Variants in CPZ observed in about 807,000 individuals in gnomAD.
The protein encoded by CPZ is carboxypeptidase Z, also known as VEZT/CPZ fusion.
A neutral mutation model predicts 61.8 loss-of-function variants in CPZ; 103 were observed. The ratio of observed to expected loss-of-function variants is 1.67; its 90% CI spans 1.42 to 1.96. The LOEUF (loss-of-function observed/expected upper bound fraction) is 1.96, where lower values mean the gene tolerates loss of function less well. CPZ is among the 30% of genes most tolerant of loss of function. CPZ has a pLI of 0.00. For missense variants in CPZ, 1,461 were observed against 914.9 expected (o/e 1.60, Z -7.70); for synonymous variants, 551 against 373.7 (o/e 1.47, Z -5.47).
At chr4:8,606,435 C>T (rs1047188733) in intron 5 of CPZ, among the ~76,000 whole-genome samples, 5 of 151,700 alleles carry the variant, frequency 3.3e-5, no homozygotes, top group African/African-American at 7.3e-5. Context: ...CGATGGTGCC[C>T]GTGTGTGTCA....
At chr4:8,612,327 T>C (rs1171799731) in intron 8 of CPZ, among the ~76,000 whole-genome samples, 165 bp downstream of exon 8, 1 of 149,660 alleles carries the variant, frequency 6.7e-6, no homozygotes. Context: ...GTGAGTTTTG[T>C]TTCTGTCTTG....
rs763180250 is a variant in CPZ at position 8,599,498 on chromosome 4, G to C, written c.121+13G>C. 6 of 1,613,644 alleles carry C rather than the reference G, an allele frequency of 3.7e-6. No individual in the cohort carries two copies. Among genetic ancestry groups the C allele is most frequent in the South Asian group, 1.1e-5 (1 of 90,932 alleles). ...GCTGCAGACAGCGGTACAGTACCGG[G>C]ACCTCCCTGGCTTCTGTTCTGTAGG... On this transcript the variant is annotated intron_variant, in intron 2 of 10. Coordinates refer to ENST00000360986, the MANE Select transcript of CPZ (RefSeq NM_001014447.3).
rs764081558 is a variant in CPZ, at chr4:8,604,050, G to T, written c.571G>T (p.Ala191Ser). The T allele has an allele frequency of 6.2e-7, 1 of 1,612,016 alleles. No homozygotes were observed. The highest frequency in any genetic ancestry group is 1.1e-5 in the South Asian group (1 of 91,064). Residue 191 changes from alanine to serine, a missense_variant, in exon 4 of 11, where the codon GCC becomes TCC. Transcript: ENST00000360986. Reference protein sequence around the residue: ...TFIRFSHHSYAQMVRVLRRTA... With the variant: ...TFIRFSHHSYSQMVRVLRRTA... ...CATCCGCTTCAGCCACCACTCCTAC[G>T]CCCAGATGGTGCGTGTGCTGAGGCG...
Position 8,606,894 on chromosome 4 carries a change from G to A in CPZ, c.1064G>A (p.Gly355Asp). ...CCCATCCCCCAGCACTACTGGTGGG[G>A]TAAGGTAGGAGCCGCCGCTGCCCAT... ...HIPIPQHYWW[G>D]KVAPETKAIM... The change falls in exon 6 of 11, where the codon GGT (glycine) becomes GAT (aspartate). Residue 355 changes from glycine (G) to aspartate (D), a missense_variant. By Grantham distance (94) the Gly-to-Asp change is moderately conservative (BLOSUM62 -1). Transcript: ENST00000360986. 4 of 1,608,652 alleles carry A rather than the reference G, an allele frequency of 2.5e-6. No individual in the cohort carries two copies. The highest frequency in any genetic ancestry group is 3.4e-6 in the Non-Finnish European group (4 of 1,177,866).
chr4:8,611,595 G>A (rs564175999), intron 7 of CPZ, among the ~76,000 whole-genome samples: 1 of 152,330 alleles, frequency 6.6e-6, no homozygotes, highest in African/African-American at 2.4e-5. Flanking sequence ...ATTCATAGAA[G>A]TAGTTGGCTT....
intron 9 of CPZ, among the ~76,000 whole-genome samples, chr4:8,617,689 C>G (rs1280843075): frequency 6.6e-6 from 1 of 152,160 alleles, no homozygotes; most frequent in African/African-American, 2.4e-5. Flanking sequence ...GGCAGCCTCG[C>G]TGGACGGACT....
chr4:8,610,425 C>G (rs1577122042), intron 7 of CPZ, among the ~76,000 whole-genome samples: 1 of 152,122 alleles, frequency 6.6e-6, no homozygotes, highest in Non-Finnish European at 1.5e-5. Flanking sequence ...AGGGAGGCCC[C>G]AGGGCAAGGG....
chr4:8,610,803 G>T (rs1715588835), intron 7 of CPZ, among the ~76,000 whole-genome samples: 1 of 152,158 alleles, frequency 6.6e-6, no homozygotes, highest in Non-Finnish European at 1.5e-5. Context: ...GCCTGAGTGG[G>T]GTTGTGTTTG....
intron 2 of CPZ, chr4:8,599,694 C>G: frequency 7.4e-7 from 1 of 1,353,734 alleles, no homozygotes; most frequent in Non-Finnish European, 9.8e-7. Flanking sequence ...GCACCAGCTT[C>G]CCACCGGGCT....
At chr4:8,598,850 G>T (rs138311636) in intron 1 of CPZ, among the ~76,000 whole-genome samples, 21 of 152,348 alleles carry the variant, frequency 1.4e-4, no homozygotes, top group African/African-American at 5.1e-4. Flanking sequence ...CGATTGTGAG[G>T]ATGGTTTTGT....
At chr4:8,605,920 G>A in intron 4 of CPZ, 69 bp from the exon 5 acceptor site, 5 of 1,489,254 alleles carry the variant, frequency 3.4e-6, no homozygotes, top group Admixed American at 3.5e-5. Context: ...TTGCTGAGTG[G>A]GGGGGCCTCA....
chr4:8,619,574 C>T lies in CPZ; in HGVS notation c.1916C>T (p.Thr639Ile), dbSNP rs925921792. 2.0e-6 allele frequency: 3 copies of T among 1,531,036 alleles called. No homozygotes were observed. The allele number at this position is 1,531,036 out of a possible 1,614,324, so 94.8% of individuals were successfully genotyped here. A position where few individuals can be genotyped will look rare whatever the true frequency, so the allele number is the denominator to read the frequency against. Residue 639 changes from threonine to isoleucine, a missense_variant, in exon 11 of 11, where the codon ACA (threonine) becomes ATA (isoleucine). Transcript: ENST00000360986. Reference sequence around the variant, plus strand: ...AAGCCCTGGTGGTGGTCCTACTTCACATCGCTGAGCACCCACAGGCCACGC... The same window carrying T: ...AAGCCCTGGTGGTGGTCCTACTTCATATCGCTGAGCACCCACAGGCCACGC... The part of the protein sequence containing the change: ...GSKPWWWSYF[T>I]SLSTHRPRWL...
intron 9 of CPZ, 152 bp from the exon 10 acceptor site, chr4:8,618,277 G>C (rs973654422): frequency 2.1e-5 from 14 of 653,030 alleles, no homozygotes; most frequent in African/African-American, 2.0e-4. Context: ...ACTCGTTAAA[G>C]ATGGCAGAGC....
intron 2 of CPZ, 122 bp downstream of exon 2, chr4:8,599,607 T>C (rs1388396090): frequency 6.6e-7 from 1 of 1,513,214 alleles, no homozygotes; most frequent in Admixed American, 2.2e-5. Flanking sequence ...ACACAGCCCA[T>C]TAATCAAACT....
rs535596151 is a variant in CPZ, at chr4:8,601,522, T to C, written c.496+25T>C. 95 of 1,443,082 alleles carry C rather than the reference T, an allele frequency of 6.6e-5. 1 individual carries two copies. The African/African-American group carries it at 1.0e-3, about 16-fold the overall frequency. The allele number at this position is 1,443,082 out of a possible 1,614,324, so 89.4% of individuals were successfully genotyped here. A position where few individuals can be genotyped will look rare whatever the true frequency, so the allele number is the denominator to read the frequency against. On this transcript the variant is annotated intron_variant, in intron 3 of 10. Coordinates refer to ENST00000360986, the MANE Select transcript of CPZ (RefSeq NM_001014447.3). ...GGTAAGGGAAAGTGGCGGGGGCCTG[T>C]GTGGTCATGGGGTCCAGGTGGTCAA... is the stretch of plus-strand genomic sequence containing the variant.
intron 7 of CPZ, among the ~76,000 whole-genome samples, 181 bp downstream of exon 7, chr4:8,607,606 C>T (rs892874149): frequency 6.6e-6 from 1 of 152,190 alleles, no homozygotes; most frequent in Admixed American, 6.5e-5. Context: ...TCCTGGAAGT[C>T]TGTGGCCTCA....
intron 7 of CPZ, among the ~76,000 whole-genome samples, chr4:8,608,554 G>A (rs575735292): frequency 5.3e-5 from 8 of 151,994 alleles, no homozygotes; most frequent in South Asian, 2.1e-4. Flanking sequence ...TGGTCCCTGC[G>A]CTGGGGGTCC....
intron 9 of CPZ, among the ~76,000 whole-genome samples, chr4:8,617,690 T>C (rs1217620133): frequency 2.0e-5 from 3 of 152,194 alleles, no homozygotes; most frequent in Non-Finnish European, 4.4e-5. Context: ...GCAGCCTCGC[T>C]GGACGGACTC....
chr4:8,596,398 G>A (rs1714182060), intron 1 of CPZ, among the ~76,000 whole-genome samples: 1 of 152,246 alleles, frequency 6.6e-6, no homozygotes, highest in Admixed American at 6.5e-5. Flanking sequence ...GGGCAGCCCT[G>A]GCAAACAAAC....
Sources: gnomAD v4.1 joint callset for allele counts (sites outside exome capture counted in the v4.1 genomes callset) on GRCh38, gnomAD v4.1.1 for gene constraint, MANE v1.5 for transcripts, NCBI Gene and HGNC (gene_info 2026-07-23, HGNC 2026-07-21) for gene names.